LRRC58: variants seen among roughly 807,000 people sequenced by gnomAD.
LRRC58 encodes the protein leucine-rich repeat-containing protein 58.
Under a neutral mutation model 30.6 loss-of-function variants are expected in LRRC58, and 18 were observed. The ratio of observed to expected loss-of-function variants is 0.59; its 90% confidence interval spans 0.41 to 0.87. LRRC58 has a LOEUF of 0.87. LRRC58 is among the 40% of genes least tolerant of loss of function. The probability of loss-of-function intolerance (pLI) is 0.00; values close to 1 mark genes in which losing one functional copy is unlikely to be tolerated. For synonymous variants in LRRC58, 221 were observed against 206.0 expected (o/e 1.07, Z -0.62); for missense variants, 420 against 468.4 (o/e 0.90, Z 0.95).
At chr3:120,347,353 G>C in intron 1 of LRRC58, among the ~76,000 whole-genome samples, 1 of 136,590 alleles carries the variant, frequency 7.3e-6, no homozygotes, top group South Asian at 2.5e-4. Context: ...GGAGCACCAA[G>C]AGTTCTTTTT....
At position 120,349,089 on chromosome 3, in the gene LRRC58, G is replaced by GGCA. The variant is rs1559997245; in HGVS notation, c.152_154dup (p.Leu51dup). On this transcript the variant is annotated inframe_insertion, in exon 1 of 4. Coordinates refer to ENST00000295628, the MANE Select transcript of LRRC58 (RefSeq NM_001099678.2). ...TGGCAGCGACACCAGACGGTTGTGA[G>GGCA]GCAGCAGCAGCCGCAGCAGCGCCTC... 1 of 1,514,364 alleles carries GGCA rather than the reference G, an allele frequency of 6.6e-7. No homozygotes were observed. The highest frequency in any genetic ancestry group is 8.8e-7 in the Non-Finnish European group (1 of 1,139,888). The allele number at this position is 1,514,364 out of a possible 1,614,324, so 93.8% of individuals were successfully genotyped here. A position where few individuals can be genotyped will look rare whatever the true frequency, so the allele number is the denominator to read the frequency against.
In LRRC58 at chr3:120,349,173, G is replaced by A; in HGVS notation, c.71C>T (p.Ser24Phe). The A allele has an allele frequency of 6.7e-7, 1 of 1,497,466 alleles. No homozygotes were observed. Among genetic ancestry groups the A allele is most frequent in the Non-Finnish European group, 8.8e-7 (1 of 1,131,888 alleles). The allele number at this position is 1,497,466 out of a possible 1,614,324, so 92.8% of individuals were successfully genotyped here. A position where few individuals can be genotyped will look rare whatever the true frequency, so the allele number is the denominator to read the frequency against. Residue 24 changes from serine (S) to phenylalanine (F), a missense_variant, in exon 1 of 4, where the codon TCC (serine) becomes TTC (phenylalanine). By Grantham distance (155) the Ser-to-Phe change is radical (BLOSUM62 -2). This residue lies in a region of LRRC58 where 266 missense variants were observed against 251.7 expected (regional missense o/e 1.06). Coordinates refer to ENST00000295628, the MANE Select transcript of LRRC58 (RefSeq NM_001099678.2). ...AELNWSRLSV[S>F]TETLESELEA... ...CAGCTCAGACTCCAGCGTCTCGGTGGACACGCTGAGGCGGGACCAGTTCAG... is the reference window on the plus strand; with the variant it reads ...CAGCTCAGACTCCAGCGTCTCGGTGAACACGCTGAGGCGGGACCAGTTCAG...
At chr3:120,335,549 C>T (rs1935824919) in intron 2 of LRRC58, among the ~76,000 whole-genome samples, 1 of 152,116 alleles carries the variant, frequency 6.6e-6, no homozygotes, top group Admixed American at 6.6e-5. Flanking sequence ...TATAAAATCA[C>T]TAAAAGTCTC....
At position 120,325,032 on chromosome 3, in the gene LRRC58, C is replaced by T. The variant is rs556809467; in HGVS notation, c.*6168G>A. Reference sequence around the variant, plus strand: ...CCAAACTTTACAAAAACTTACAATGCTGCTTATCTAAAACTTTTCTCCCAT... The same window carrying T: ...CCAAACTTTACAAAAACTTACAATGTTGCTTATCTAAAACTTTTCTCCCAT... On this transcript the variant is annotated 3_prime_UTR_variant, in exon 4 of 4. Coordinates refer to ENST00000295628, the MANE Select transcript of LRRC58 (RefSeq NM_001099678.2). 1 of 152,280 alleles carries T rather than the reference C, an allele frequency of 6.6e-6. No individual in the cohort carries two copies. The highest frequency in any genetic ancestry group is 1.5e-5 in the Non-Finnish European group (1 of 68,026). 9.4% of individuals were successfully genotyped at this position (152,280 alleles called of 1,614,324 possible). A position where few individuals can be genotyped will look rare whatever the true frequency, so the allele number is the denominator to read the frequency against.
rs532459909 is a variant in LRRC58, at chr3:120,345,497, C to T, written c.500+3247G>A. Among the ~76,000 whole-genome samples, 7 of 152,332 alleles carry T rather than the reference C, an allele frequency of 4.6e-5. No individual in the cohort carries two copies. The East Asian group carries it at 1.3e-3, about 29-fold the overall frequency. On this transcript the variant is annotated intron_variant, in intron 1 of 3. Coordinates refer to ENST00000295628, the MANE Select transcript of LRRC58 (RefSeq NM_001099678.2). ...TTAAGAGACTAAACCTCCACCTCTA[C>T]ATTTTTGAAGCTTTAATGCATCATA...
chr3:120,332,426 G>A (rs115676096), intron 3 of LRRC58, among the ~76,000 whole-genome samples: 3,067 of 152,154 alleles, frequency 0.02, 49 homozygotes, highest in Middle Eastern at 0.044. Flanking sequence ...TAAAAAAGGC[G>A]AAATTTGTGG....
At chr3:120,333,755 C>A (rs1935793985) in intron 3 of LRRC58, among the ~76,000 whole-genome samples, 1 of 152,182 alleles carries the variant, frequency 6.6e-6, no homozygotes, top group South Asian at 2.1e-4. Context: ...AGGCTCTTCA[C>A]AACCAGGACT....
At chr3:120,338,340 A>C (rs905467636) in intron 1 of LRRC58, among the ~76,000 whole-genome samples, 2 of 152,198 alleles carry the variant, frequency 1.3e-5, no homozygotes, top group African/African-American at 4.8e-5. Context: ...CTATCATATA[A>C]AATGCCCAGT....
Position 120,327,044 on chromosome 3 carries a change from T to C in LRRC58, c.*4156A>G, listed in dbSNP as rs541329080. On this transcript the variant is annotated 3_prime_UTR_variant, in exon 4 of 4. Coordinates refer to ENST00000295628, the MANE Select transcript of LRRC58 (RefSeq NM_001099678.2). ...AGAAGATCGTATTACTTGCTGGCCC[T>C]TAATTACGGAGGGATATGGACAATC... The C allele has an allele frequency of 1.3e-5, 2 of 152,314 alleles. No individual in the cohort carries two copies. Among genetic ancestry groups the C allele is most frequent in the East Asian group, 3.9e-4 (2 of 5,182 alleles). The allele number at this position is 152,314 out of a possible 1,614,324, so 9.4% of individuals were successfully genotyped here.
At position 120,325,414 on chromosome 3, in the gene LRRC58, T is replaced by C. The variant is rs1435525633; in HGVS notation, c.*5786A>G. On this transcript the variant is annotated 3_prime_UTR_variant, in exon 4 of 4. Coordinates refer to ENST00000295628, the MANE Select transcript of LRRC58 (RefSeq NM_001099678.2). ...TGTTCTTTCCACCATAGGTTTGTGG[T>C]ATGACAGTATATAAATAACCTTCAT... The C allele has an allele frequency of 6.6e-6, 1 of 152,224 alleles. No individual in the cohort carries two copies. Among genetic ancestry groups the C allele is most frequent in the Non-Finnish European group, 1.5e-5 (1 of 68,038 alleles). 9.4% of individuals were successfully genotyped at this position (152,224 alleles called of 1,614,324 possible). A position where few individuals can be genotyped will look rare whatever the true frequency, so the allele number is the denominator to read the frequency against.
intron 3 of LRRC58, among the ~76,000 whole-genome samples, chr3:120,333,248 A>G (rs2107621957): frequency 6.6e-6 from 1 of 152,362 alleles, no homozygotes; most frequent in East Asian, 1.9e-4. Flanking sequence ...AGTATACTAA[A>G]GAAGTCATTA....
In LRRC58 at chr3:120,327,074, A is replaced by G. The variant is rs967454650; in HGVS notation, c.*4126T>C. On this transcript the variant is annotated 3_prime_UTR_variant, in exon 4 of 4. Coordinates refer to ENST00000295628, the MANE Select transcript of LRRC58 (RefSeq NM_001099678.2). ...TACGGAGGGATATGGACAATCTCCC[A>G]ATAGCAAACACTGAACAAATTTGGT... The G allele has an allele frequency of 6.6e-6, 1 of 152,176 alleles. No individual in the cohort carries two copies. The highest frequency in any genetic ancestry group is 1.5e-5 in the Non-Finnish European group (1 of 68,022). The allele number at this position is 152,176 out of a possible 1,614,324, so 9.4% of individuals were successfully genotyped here. A position where few individuals can be genotyped will look rare whatever the true frequency, so the allele number is the denominator to read the frequency against.
intron 1 of LRRC58, among the ~76,000 whole-genome samples, chr3:120,336,702 G>C (rs1056848697): frequency 6.6e-6 from 1 of 151,456 alleles, no homozygotes; most frequent in Non-Finnish European, 1.5e-5. Flanking sequence ...TCCAACAATA[G>C]GTTAACATTT....
At chr3:120,343,222 T>G (rs1331084360) in intron 1 of LRRC58, among the ~76,000 whole-genome samples, 1 of 152,246 alleles carries the variant, frequency 6.6e-6, no homozygotes, top group Non-Finnish European at 1.5e-5. Flanking sequence ...ACCATCATAT[T>G]AAATTTACAG....
intron 1 of LRRC58, among the ~76,000 whole-genome samples, chr3:120,341,187 G>T (rs1323172273): frequency 6.6e-6 from 1 of 152,116 alleles, no homozygotes; most frequent in Non-Finnish European, 1.5e-5. Context: ...TTACTGCCCA[G>T]TTACTCAGAA....
At chr3:120,334,814 T>TA (rs1233824728) in intron 3 of LRRC58, 48 bp downstream of exon 3, 1 of 1,510,184 alleles carries the variant, frequency 6.6e-7, no homozygotes, top group South Asian at 1.3e-5. Flanking sequence ...TTAATTAATT[T>TA]AAAAAATAGC....
rs555104506 is a variant in LRRC58, at chr3:120,327,735, A to T, written c.*3465T>A. The stretch of plus-strand genomic sequence containing the variant: ...ATTTGAGGTACAATTTACAATGCAA[A>T]TTTTTTTGTTTGTTTTTTGTTTGTT... On this transcript the variant is annotated 3_prime_UTR_variant, in exon 4 of 4. Transcript: ENST00000295628. 10 of 147,016 alleles carry T rather than the reference A, an allele frequency of 6.8e-5. No individual in the cohort carries two copies. In the East Asian group the frequency reaches 1.9e-3, roughly 29 times the overall value. 9.1% of individuals were successfully genotyped at this position (147,016 alleles called of 1,614,324 possible). A position where few individuals can be genotyped will look rare whatever the true frequency, so the allele number is the denominator to read the frequency against.
rs572777662 is a variant in LRRC58 at position 120,330,283 on chromosome 3, G to A, written c.*917C>T. On this transcript the variant is annotated 3_prime_UTR_variant, in exon 4 of 4. Transcript: ENST00000295628. ...TACTCTGTCTTATGATGAACAGATT[G>A]ATGAAGATTGTGGCCTACCATTAAG... The A allele has an allele frequency of 3.3e-5, 5 of 152,162 alleles. No individual in the cohort carries two copies. In the East Asian group the frequency reaches 9.7e-4, roughly 29 times the overall value. The allele number at this position is 152,162 out of a possible 1,614,324, so 9.4% of individuals were successfully genotyped here.
intron 2 of LRRC58, 138 bp downstream of exon 2, chr3:120,335,687 C>A: frequency 2.8e-6 from 2 of 724,452 alleles, no homozygotes; most frequent in South Asian, 3.3e-5. Context: ...TGCAGCAAAC[C>A]TCAGAACTAT....
Sources: gnomAD v4.1 joint callset for allele counts (sites outside exome capture counted in the v4.1 genomes callset) on GRCh38, gnomAD v4.1.1 for gene constraint, gnomAD v4.1.1 regional missense constraint, MANE v1.5 for transcripts, NCBI Gene and HGNC (gene_info 2026-07-23, HGNC 2026-07-21) for gene names.